Variants in TACR1 observed in about 807,000 individuals in gnomAD.
The protein encoded by TACR1 is substance-P receptor.
TACR1 carries 25 observed loss-of-function variants against 35.8 expected under a neutral mutation model. The observed-to-expected ratio is 0.70, with a 90% CI of 0.51 to 0.98. The LOEUF is 0.98. TACR1 is among the 50% of genes least tolerant of loss of function. The pLI is 0.00. For synonymous variants in TACR1, 195 were observed against 206.7 expected (o/e 0.94, Z 0.48); for missense variants, 478 against 522.9 (o/e 0.91, Z 0.84).
chr2:75,178,773 G>C (rs1318710605), intron 1 of TACR1, among the ~76,000 whole-genome samples: 1 of 152,094 alleles, frequency 6.6e-6, no homozygotes, highest in African/African-American at 2.4e-5. Context: ...TTCCCGAAAT[G>C]CTTTCTTATT....
chr2:75,174,205 T>C (rs1204571154), intron 1 of TACR1, among the ~76,000 whole-genome samples: 2 of 152,190 alleles, frequency 1.3e-5, no homozygotes, highest in African/African-American at 4.8e-5. Context: ...CTGAAGACTA[T>C]TCTGTATTGT....
chr2:75,088,186 C>T (rs1395848460), intron 2 of TACR1, among the ~76,000 whole-genome samples: 2 of 152,170 alleles, frequency 1.3e-5, no homozygotes, highest in African/African-American at 2.4e-5. Flanking sequence ...TGTGGCCGCA[C>T]TCAGCCCACT....
At chr2:75,149,043 G>T (rs897274877) in intron 1 of TACR1, among the ~76,000 whole-genome samples, 1 of 152,120 alleles carries the variant, frequency 6.6e-6, no homozygotes, top group Non-Finnish European at 1.5e-5. Context: ...GATGTGTAGT[G>T]TTATTTCTGA....
intron 1 of TACR1, among the ~76,000 whole-genome samples, chr2:75,138,633 A>G: frequency 6.6e-6 from 1 of 152,166 alleles, no homozygotes; most frequent in Non-Finnish European, 1.5e-5. Context: ...ATACCATGGT[A>G]AACAAGCTTC....
At chr2:75,064,701 C>A (rs370718271) in intron 2 of TACR1, among the ~76,000 whole-genome samples, 1 of 152,138 alleles carries the variant, frequency 6.6e-6, no homozygotes, top group African/African-American at 2.4e-5. Flanking sequence ...TATCTGAGTG[C>A]GAATTCAAGA....
intron 1 of TACR1, among the ~76,000 whole-genome samples, chr2:75,150,829 T>G (rs1248646694): frequency 4.6e-5 from 7 of 152,218 alleles, no homozygotes; most frequent in Non-Finnish European, 1.0e-4. Flanking sequence ...AGAGACTTGT[T>G]GAATGGTTTT....
chr2:75,096,528 A>G (rs1673428760), intron 2 of TACR1, among the ~76,000 whole-genome samples: 3 of 152,206 alleles, frequency 2.0e-5, no homozygotes, highest in Non-Finnish European at 2.9e-5. Context: ...ATAAGATTGG[A>G]TATGATAATT....
chr2:75,146,538 G>A lies in TACR1; in HGVS notation c.390-25770C>T, dbSNP rs1347546600. Among the ~76,000 whole-genome samples the A allele has an allele frequency of 2.0e-5, 3 of 152,166 alleles. No individual in the cohort carries two copies. The East Asian group carries it at 5.8e-4, about 29-fold the overall frequency. ...GATGAAGAAGAGTCCGCTGTATTTG[G>A]CTTCTAGGAGATTACTGGTCACAAT... On this transcript the variant is annotated intron_variant, in intron 1 of 4. Coordinates refer to ENST00000305249, the MANE Select transcript of TACR1 (RefSeq NM_001058.4).
intron 1 of TACR1, among the ~76,000 whole-genome samples, chr2:75,157,549 A>T (rs1276796304): frequency 1.3e-5 from 2 of 152,226 alleles, no homozygotes; most frequent in Admixed American, 1.3e-4. Flanking sequence ...AGGGGCAGGT[A>T]AGTGGCCAGG....
chr2:75,165,793 C>A (rs139754090), intron 1 of TACR1, among the ~76,000 whole-genome samples: 1 of 152,300 alleles, frequency 6.6e-6, no homozygotes. Flanking sequence ...TCTGATATGA[C>A]AAATGCCCAA....
intron 4 of TACR1, among the ~76,000 whole-genome samples, chr2:75,050,571 G>A (rs1672444439): frequency 6.6e-6 from 1 of 152,166 alleles, no homozygotes; most frequent in Non-Finnish European, 1.5e-5. Context: ...ATTCCCTAAT[G>A]CTGACCACCA....
intron 1 of TACR1, among the ~76,000 whole-genome samples, chr2:75,148,277 T>A (rs1285909063): frequency 1.3e-5 from 2 of 152,210 alleles, no homozygotes; most frequent in Non-Finnish European, 2.9e-5. Context: ...TAGTTCTAGA[T>A]CCTTGAGGAA....
At chr2:75,141,895 C>T (rs1435785584) in intron 1 of TACR1, among the ~76,000 whole-genome samples, 1 of 152,194 alleles carries the variant, frequency 6.6e-6, no homozygotes, top group East Asian at 1.9e-4. Context: ...CTGTGAGAGT[C>T]CAACCCCAGG....
intron 1 of TACR1, among the ~76,000 whole-genome samples, chr2:75,125,618 T>G (rs1299425947): frequency 6.6e-6 from 1 of 152,214 alleles, no homozygotes; most frequent in Non-Finnish European, 1.5e-5. Context: ...CACATAGCAG[T>G]GGCTTCATGA....
intron 1 of TACR1, among the ~76,000 whole-genome samples, chr2:75,193,199 T>C (rs1250489443): frequency 4.6e-5 from 7 of 152,170 alleles, no homozygotes; most frequent in Non-Finnish European, 1.5e-5. Flanking sequence ...ATTGATTGCA[T>C]TGGGTTATAT....
At chr2:75,056,776 T>G (rs911062364) in intron 2 of TACR1, among the ~76,000 whole-genome samples, 2 of 152,340 alleles carry the variant, frequency 1.3e-5, no homozygotes, top group African/African-American at 4.8e-5. Flanking sequence ...AAAGTTATTG[T>G]TATTTATTTG....
chr2:75,078,313 G>A (rs1673017569), intron 2 of TACR1, among the ~76,000 whole-genome samples: 1 of 151,640 alleles, frequency 6.6e-6, no homozygotes, highest in African/African-American at 2.4e-5. Context: ...ATGACCTTGA[G>A]TGATTTCTAA....
chr2:75,168,642 C>T (rs1189465034), intron 1 of TACR1, among the ~76,000 whole-genome samples: 2 of 152,170 alleles, frequency 1.3e-5, no homozygotes, highest in Non-Finnish European at 2.9e-5. Context: ...GACTTCTCCC[C>T]AACTGTAAGA....
intron 1 of TACR1, among the ~76,000 whole-genome samples, chr2:75,139,599 T>C (rs966459500): frequency 5.3e-5 from 8 of 152,172 alleles, no homozygotes; most frequent in Non-Finnish European, 1.2e-4. Context: ...GGTCTCTACA[T>C]AGAGAATTAG....
Sources: allele counts gnomAD v4.1 joint callset (sites outside exome capture counted in the v4.1 genomes callset), GRCh38; gene constraint gnomAD v4.1.1; transcripts MANE v1.5; gene names NCBI Gene and HGNC (gene_info 2026-07-23, HGNC 2026-07-21).